The following WWOX variants were observed in gnomAD, a reference collection of about 807,000 sequenced individuals.
WWOX encodes the protein WW domain containing oxidoreductase, also known as WW domain-containing oxidoreductase.
A neutral mutation model predicts 46.2 loss-of-function variants in WWOX; 69 were observed. That is an observed-to-expected ratio of 1.49 (90% CI 1.23 to 1.82). The LOEUF (loss-of-function observed/expected upper bound fraction) is 1.82, where lower values mean the gene tolerates loss of function less well. Among genes scored for constraint, WWOX ranks in the 40% most tolerant of loss-of-function variants. The pLI, the probability that WWOX is intolerant of heterozygous loss-of-function variation, is 0.00. For synonymous variants in WWOX, 359 were observed against 202.6 expected (o/e 1.77, Z -6.56); for missense variants, 919 against 542.6 (o/e 1.69, Z -6.89).
chr16:78,348,589 C>G (rs1268114126), intron 5 of WWOX, among the ~76,000 whole-genome samples: 1 of 120,532 alleles, frequency 8.3e-6, no homozygotes, highest in Non-Finnish European at 2.0e-5. Context: ...CCACCAGTAG[C>G]TGGGACTAGA....
chr16:79,070,558 A>T (rs969341131), intron 8 of WWOX, among the ~76,000 whole-genome samples: 1 of 152,140 alleles, frequency 6.6e-6, no homozygotes, highest in African/African-American at 2.4e-5. Flanking sequence ...CTCCTTGGCA[A>T]TGAGTGAGGC....
At chr16:78,365,903 T>G (rs909294461) in intron 5 of WWOX, among the ~76,000 whole-genome samples, 15 of 152,326 alleles carry the variant, frequency 9.8e-5, no homozygotes, top group South Asian at 4.1e-4. Context: ...TATTGTTGTT[T>G]TGGTTTGGGT....
At chr16:78,568,685 G>C (rs984837141) in intron 8 of WWOX, among the ~76,000 whole-genome samples, 1 of 152,050 alleles carries the variant, frequency 6.6e-6, no homozygotes, top group Non-Finnish European at 1.5e-5. Flanking sequence ...ATGTTGGCCA[G>C]GCTGGTGTCG....
At chr16:78,843,973 A>G (rs1342604073) in intron 8 of WWOX, among the ~76,000 whole-genome samples, 1 of 152,192 alleles carries the variant, frequency 6.6e-6, no homozygotes, top group African/African-American at 2.4e-5. Context: ...ATGTGTAATT[A>G]GGCAAAACCC....
chr16:78,630,450 C>A (rs577543412), intron 8 of WWOX, among the ~76,000 whole-genome samples: 2 of 152,186 alleles, frequency 1.3e-5, no homozygotes, highest in Admixed American at 1.3e-4. Flanking sequence ...TTATATGCTA[C>A]AGAGAGGGTG....
chr16:78,953,227 G>A (rs1446354004), intron 8 of WWOX, among the ~76,000 whole-genome samples: 5 of 150,888 alleles, frequency 3.3e-5, no homozygotes, highest in Non-Finnish European at 5.9e-5. Flanking sequence ...CCTAGACTGA[G>A]CCAAAGATTC....
intron 8 of WWOX, among the ~76,000 whole-genome samples, chr16:78,836,947 G>A (rs999480868): frequency 6.6e-6 from 1 of 152,064 alleles, no homozygotes; most frequent in African/African-American, 2.4e-5. Flanking sequence ...AGAGATGGAA[G>A]GTCAAGTGCA....
intron 4 of WWOX, among the ~76,000 whole-genome samples, chr16:78,135,632 A>G (rs1396507023): frequency 2.0e-5 from 3 of 152,072 alleles, no homozygotes; most frequent in African/African-American, 7.2e-5. Context: ...CTTTCTACTA[A>G]ATTTTTCAAT....
chr16:79,049,840 A>AG (rs2048134039), intron 8 of WWOX, among the ~76,000 whole-genome samples: 1 of 151,778 alleles, frequency 6.6e-6, no homozygotes, highest in African/African-American at 2.4e-5. Flanking sequence ...GTCTCAAAAA[A>AG]AAAAAAAAAA....
chr16:79,080,999 C>T lies in WWOX; in HGVS notation c.1057-130609C>T, dbSNP rs180694182. Reference sequence around the variant, plus strand: ...ATTTTTATACCTCCAAACACACACACGCACATGCACACCCACCAGGCTCTT... The same window carrying T: ...ATTTTTATACCTCCAAACACACACATGCACATGCACACCCACCAGGCTCTT... On this transcript the variant is annotated intron_variant, in intron 8 of 8. Transcript: ENST00000566780. Among the ~76,000 whole-genome samples, 73 of 152,234 alleles carry T rather than the reference C, an allele frequency of 4.8e-4. 2 individuals carry two copies. In the South Asian group the frequency reaches 6.6e-3, roughly 14 times the overall value.
At chr16:79,098,320 G>T (rs187959304) in intron 8 of WWOX, among the ~76,000 whole-genome samples, 1 of 152,218 alleles carries the variant, frequency 6.6e-6, no homozygotes, top group African/African-American at 2.4e-5. Flanking sequence ...GAGACAGACA[G>T]TGGGGATTGA....
intron 8 of WWOX, among the ~76,000 whole-genome samples, chr16:79,053,668 G>T (rs778475202): frequency 3.0e-4 from 46 of 152,104 alleles, no homozygotes; most frequent in Non-Finnish European, 5.9e-4. Flanking sequence ...TTACAAATTG[G>T]TTTAGGTTGG....
chr16:79,211,034 A>AGTGTGTGTGTGTGT (rs58334968), intron 8 of WWOX, among the ~76,000 whole-genome samples: 26,690 of 149,556 alleles, frequency 0.18, 3,078 homozygotes, highest in Non-Finnish European at 0.27. Context: ...TATGGTGAGG[A>AGTGTGTGTGTGTGT]GTGTGTGTGT....
At chr16:78,147,538 A>G (rs1460704270) in intron 4 of WWOX, among the ~76,000 whole-genome samples, 1 of 152,182 alleles carries the variant, frequency 6.6e-6, no homozygotes, top group African/African-American at 2.4e-5. Context: ...TTTTCCCAAC[A>G]TTGTGTTTTG....
At chr16:78,355,342 C>A (rs1008231317) in intron 5 of WWOX, among the ~76,000 whole-genome samples, 1 of 151,966 alleles carries the variant, frequency 6.6e-6, no homozygotes, top group African/African-American at 2.4e-5. Context: ...GTGGCTCACG[C>A]CTGTAATCCC....
chr16:79,053,343 C>T (rs372740201), intron 8 of WWOX, among the ~76,000 whole-genome samples: 2 of 152,228 alleles, frequency 1.3e-5, no homozygotes, highest in East Asian at 3.9e-4. Context: ...TTCCTGCATC[C>T]CAGCAACGTG....
intron 8 of WWOX, among the ~76,000 whole-genome samples, chr16:78,925,763 T>A (rs2045483189): frequency 6.6e-6 from 1 of 152,218 alleles, no homozygotes; most frequent in South Asian, 2.1e-4. Flanking sequence ...AGATGCTGTT[T>A]GTTCTTGCAG....
chr16:79,134,640 C>A (rs1597405234), intron 8 of WWOX, among the ~76,000 whole-genome samples: 1 of 152,190 alleles, frequency 6.6e-6, no homozygotes, highest in Non-Finnish European at 1.5e-5. Flanking sequence ...CAGACACACA[C>A]AGAAACATAT....
chr16:78,212,421 G>A (rs75132714), intron 5 of WWOX, among the ~76,000 whole-genome samples: 3 of 152,186 alleles, frequency 2.0e-5, no homozygotes, highest in Admixed American at 2.0e-4. Context: ...CCCCAGGAAT[G>A]GTGGTGATTT....
Sources: allele counts gnomAD v4.1 joint callset (sites outside exome capture counted in the v4.1 genomes callset), GRCh38; gene constraint gnomAD v4.1.1; transcripts MANE v1.5; gene names NCBI Gene and HGNC (gene_info 2026-07-23, HGNC 2026-07-21).